The following KRT77 variants were observed in gnomAD, a reference collection of about 807,000 sequenced individuals.
The protein encoded by KRT77 is keratin, type II cytoskeletal 1b.
In KRT77, 44 loss-of-function variants were observed where a neutral mutation model predicts 51.5. That is an observed-to-expected ratio of 0.85 (90% confidence interval 0.67 to 1.10). KRT77 has a LOEUF of 1.10. Ranked by LOEUF, KRT77 falls within the 50% of genes least tolerant of loss-of-function variation. KRT77 has a pLI of 0.00. For synonymous variants in KRT77, 293 were observed against 302.0 expected (o/e 0.97, Z 0.31); for missense variants, 763 against 743.9 (o/e 1.03, Z -0.30).
chr12:52,692,336 C>T lies in KRT77; in HGVS notation c.1427+85G>A. 2.0e-6 allele frequency: 3 copies of T among 1,473,102 alleles called. No homozygotes were observed. The South Asian group carries it at 3.7e-5, about 18-fold the overall frequency. 91.3% of individuals were successfully genotyped at this position (1,473,102 alleles called of 1,614,324 possible). ...TACCAATCTTCCCAAAAAGGTGGGG[C>T]TTATCTTTTCTCCAAATAGCCAGTC... On this transcript the variant is annotated intron_variant, in intron 7 of 8. Transcript: ENST00000341809.
At chr12:52,701,632 C>T (rs371750462) in intron 1 of KRT77, among the ~76,000 whole-genome samples, 50 of 152,304 alleles carry the variant, frequency 3.3e-4, no homozygotes, top group African/African-American at 1.1e-3. Context: ...TGCTAGTGGC[C>T]GCTGTGCCTC....
intron 1 of KRT77, 98 bp from the exon 2 acceptor site, chr12:52,697,994 G>T: frequency 7.0e-7 from 1 of 1,419,020 alleles, no homozygotes; most frequent in South Asian, 1.2e-5. Context: ...CCAGACCTCA[G>T]AGAATCAGGA....
intron 1 of KRT77, among the ~76,000 whole-genome samples, chr12:52,700,624 G>T (rs1941873876): frequency 6.6e-6 from 1 of 152,178 alleles, no homozygotes; most frequent in Admixed American, 6.5e-5. Flanking sequence ...AAGCCTGGGG[G>T]CTGTTTTCCA....
rs1310912232 is a variant in KRT77, at chr12:52,689,799, C to G, written c.*1366G>C. The G allele has an allele frequency of 6.6e-6, 1 of 152,248 alleles. No individual in the cohort carries two copies. Among genetic ancestry groups the G allele is most frequent in the Non-Finnish European group, 1.5e-5 (1 of 68,084 alleles). The allele number at this position is 152,248 out of a possible 1,614,324, so 9.4% of individuals were successfully genotyped here. A position where few individuals can be genotyped will look rare whatever the true frequency, so the allele number is the denominator to read the frequency against. On this transcript the variant is annotated 3_prime_UTR_variant, in exon 9 of 9. Transcript: ENST00000341809. ...GGAAGTTGTGTTAGGACTCAGCTAG[C>G]AAGTGAAGGTGACTCCAGATCATAG...
Position 52,703,076 on chromosome 12 carries a change from C to A in KRT77, c.359G>T (p.Ser120Ile). Reference sequence around the variant, plus strand: ...ACCAAAGCCCCCAAGCCCAAAATTGCTAGTCCCAAATCCAGCACCCCCAAA... The same window carrying A: ...ACCAAAGCCCCCAAGCCCAAAATTGATAGTCCCAAATCCAGCACCCCCAAA... ...GGFGGAGFGTSNFGLGGFGPY... is the reference protein window; with the variant it reads ...GGFGGAGFGTINFGLGGFGPY... The change falls in exon 1 of 9, where the codon AGC becomes ATC. Residue 120 changes from serine to isoleucine, a missense_variant. By Grantham distance (142) the Ser-to-Ile change is moderately radical. Coordinates refer to ENST00000341809, the MANE Select transcript of KRT77 (RefSeq NM_175078.3). 2 of 1,613,806 alleles carry A rather than the reference C, an allele frequency of 1.2e-6. No individual in the cohort carries two copies. The highest frequency in any genetic ancestry group is 1.7e-6 in the Non-Finnish European group (2 of 1,179,922).
chr12:52,703,076 CT>C lies in KRT77; in HGVS notation c.358del (p.Ser120AlafsTer20), dbSNP rs1349701652. On this transcript the variant is annotated frameshift_variant, in exon 1 of 9. Transcript: ENST00000341809. LOFTEE classifies it high-confidence loss of function. ...GGFGGAGFGT[S>X]NFGLGGFGPY... ...ACCAAAGCCCCCAAGCCCAAAATTGCTAGTCCCAAATCCAGCACCCCCAAAA... is the reference window on the plus strand; with the variant it reads ...ACCAAAGCCCCCAAGCCCAAAATTGCAGTCCCAAATCCAGCACCCCCAAAA... 1 of 1,613,688 alleles carries C rather than the reference CT, an allele frequency of 6.2e-7. No homozygotes were observed. Among genetic ancestry groups the C allele is most frequent in the Non-Finnish European group, 8.5e-7 (1 of 1,179,930 alleles).
At chr12:52,694,240 C>T (rs1462591850) in intron 5 of KRT77, among the ~76,000 whole-genome samples, 3 of 151,988 alleles carry the variant, frequency 2.0e-5, no homozygotes, top group Non-Finnish European at 2.9e-5. Context: ...ATGGTGATAA[C>T]GAAATTCTTA....
In KRT77 at chr12:52,692,717, G is replaced by A. The variant is rs183828902; in HGVS notation, c.1206+38C>T. The A allele has an allele frequency of 8.6e-5, 138 of 1,601,334 alleles. 9 individuals carry two copies. The Admixed American group carries it at 8.9e-4, about 10-fold the overall frequency. ...GATCTGGCAGGGCATTGTAGGAGGT[G>A]CAGGGCTTGGTCAGCCCTCCCTAAG... On this transcript the variant is annotated intron_variant, in intron 6 of 8. Coordinates refer to ENST00000341809, the MANE Select transcript of KRT77 (RefSeq NM_175078.3).
intron 1 of KRT77, among the ~76,000 whole-genome samples, chr12:52,700,240 A>AT (rs1272402106): frequency 2.0e-5 from 3 of 152,034 alleles, no homozygotes; most frequent in Non-Finnish European, 4.4e-5. Flanking sequence ...GGATTTGGTA[A>AT]TAAAAAAAAC....
chr12:52,703,508 G>T lies in KRT77; in HGVS notation c.-74C>A. ...AAGGAGGCAGAGACCAGAGAGGAAA[G>T]GAGCTCTGACTCCTTTGAAAAGATC... On this transcript the variant is annotated 5_prime_UTR_variant, in exon 1 of 9. Coordinates refer to ENST00000341809, the MANE Select transcript of KRT77 (RefSeq NM_175078.3). The T allele has an allele frequency of 1.5e-6, 2 of 1,338,262 alleles. No homozygotes were observed. Among genetic ancestry groups the T allele is most frequent in the Non-Finnish European group, 2.0e-6 (2 of 983,076 alleles). The allele number at this position is 1,338,262 out of a possible 1,614,324, so 82.9% of individuals were successfully genotyped here.
chr12:52,691,816 G>T (rs1049422026), intron 8 of KRT77, 122 bp downstream of exon 8: 5 of 1,042,296 alleles, frequency 4.8e-6, no homozygotes, highest in Non-Finnish European at 7.4e-6. Context: ...GCTTACTTTG[G>T]TGTCTATTGC....
chr12:52,696,436 A>G lies in KRT77; in HGVS notation c.759-6T>C. On this transcript the variant is annotated splice_region_variant and splice_polypyrimidine_tract_variant and intron_variant, in intron 2 of 8. Transcript: ENST00000341809. ...TGTTGATTTCATCCTCATACCTGTC[A>G]GGCGAGGCAAAGGAGCACAGAAAGG... 6.2e-7 allele frequency: 1 copy of G among 1,613,994 alleles called. No homozygotes were observed. The highest frequency in any genetic ancestry group is 8.5e-7 in the Non-Finnish European group (1 of 1,179,824).
intron 2 of KRT77, 110 bp from the exon 3 acceptor site, chr12:52,696,540 G>T: frequency 1.1e-6 from 1 of 898,308 alleles, no homozygotes; most frequent in Non-Finnish European, 1.8e-6. Flanking sequence ...GCTGTCCTGG[G>T]TTCAGAGAAC....
At chr12:52,692,964 C>T in intron 5 of KRT77, 84 bp from the exon 6 acceptor site, 4 of 1,480,656 alleles carry the variant, frequency 2.7e-6, no homozygotes, top group South Asian at 1.2e-5. Context: ...GCTGCTCTCC[C>T]CTGGGAGATT....
At chr12:52,697,095 C>T (rs1941804656) in intron 2 of KRT77, among the ~76,000 whole-genome samples, 1 of 152,224 alleles carries the variant, frequency 6.6e-6, no homozygotes, top group South Asian at 2.1e-4. Flanking sequence ...GGTGTACAGC[C>T]ACAATACTAA....
chr12:52,702,706 C>A (rs986175983), intron 1 of KRT77, among the ~76,000 whole-genome samples, 186 bp downstream of exon 1: 1 of 151,960 alleles, frequency 6.6e-6, no homozygotes, highest in Non-Finnish European at 1.5e-5. Flanking sequence ...ATCTCCTTTC[C>A]TGCCAAAAGG....
Position 52,694,809 on chromosome 12 carries a change from A to G in KRT77, c.916-19T>C. Reference sequence around the variant, plus strand: ...ACAGCTCCTGCGAGGCATGGCGCACAGGCTGACTCCTTCCATTCTCCTCTG... The same window carrying G: ...ACAGCTCCTGCGAGGCATGGCGCACGGGCTGACTCCTTCCATTCTCCTCTG... On this transcript the variant is annotated intron_variant, in intron 4 of 8. Coordinates refer to ENST00000341809, the MANE Select transcript of KRT77 (RefSeq NM_175078.3). The G allele has an allele frequency of 1.3e-6, 2 of 1,582,050 alleles. No homozygotes were observed. Among genetic ancestry groups the G allele is most frequent in the African/African-American group, 2.7e-5 (2 of 74,564 alleles).
intron 5 of KRT77, 90 bp downstream of exon 5, chr12:52,694,536 C>T: frequency 8.0e-7 from 1 of 1,254,542 alleles, no homozygotes; most frequent in Non-Finnish European, 1.1e-6. Context: ...CATTTTACTT[C>T]AGAAATAAGA....
Position 52,703,003 on chromosome 12 carries a change from G to T in KRT77, c.432C>A (p.Ser144Arg), listed in dbSNP as rs776454439. Residue 144 changes from serine to arginine, a missense_variant, in exon 1 of 9, where the codon AGC (serine) becomes AGA (arginine). Transcript: ENST00000341809. ...CCTCCAGGTGAAGTGGCTCTAGGAGGCTCTGGTTAATGGTCACCTCTTGGA... is the reference window on the plus strand; with the variant it reads ...CCTCCAGGTGAAGTGGCTCTAGGAGTCTCTGGTTAATGGTCACCTCTTGGA... ...GGIQEVTINQSLLEPLHLEVD... is the reference protein window; with the variant it reads ...GGIQEVTINQRLLEPLHLEVD... 3 of 1,614,056 alleles carry T rather than the reference G, an allele frequency of 1.9e-6. No homozygotes were observed. The highest frequency in any genetic ancestry group is 2.5e-6 in the Non-Finnish European group (3 of 1,179,996).
Sources: gnomAD v4.1 joint callset for allele counts (sites outside exome capture counted in the v4.1 genomes callset) on GRCh38, gnomAD v4.1.1 for gene constraint, MANE v1.5 for transcripts, NCBI Gene and HGNC (gene_info 2026-07-23, HGNC 2026-07-21) for gene names.